PRKG1: variants seen among roughly 807,000 people sequenced by gnomAD.
The protein encoded by PRKG1 is cGMP-dependent protein kinase 1.
A neutral mutation model predicts 88.1 loss-of-function variants in PRKG1; 35 were observed. The observed-to-expected ratio is 0.40, with a 90% CI of 0.30 to 0.53. The LOEUF (loss-of-function observed/expected upper bound fraction) is 0.53, where lower values mean the gene tolerates loss of function less well. Ranked by LOEUF, PRKG1 falls within the 20% of genes least tolerant of loss-of-function variation. PRKG1 has a pLI of 0.59. For missense variants in PRKG1, 540 were observed against 839.8 expected (o/e 0.64, Z 4.41); for synonymous variants, 303 against 292.5 (o/e 1.04, Z -0.37).
chr10:52,239,339 TAAAA>T (rs1200841274), intron 9 of PRKG1, among the ~76,000 whole-genome samples: 1 of 43,682 alleles, frequency 2.3e-5, no homozygotes, highest in East Asian at 1.6e-3. Flanking sequence ...AATAAATAAA[TAAAA>T]TTAAAAAAAA....
intron 4 of PRKG1, among the ~76,000 whole-genome samples, chr10:51,850,024 G>A (rs113494458): frequency 6.6e-5 from 10 of 151,738 alleles, no homozygotes; most frequent in African/African-American, 2.4e-4. Flanking sequence ...GTGTACGCCA[G>A]AATGAATTTC....
chr10:52,094,595 A>T (rs1003218837), intron 7 of PRKG1, among the ~76,000 whole-genome samples: 2 of 152,192 alleles, frequency 1.3e-5, no homozygotes, highest in African/African-American at 4.8e-5. Context: ...GAATGGCTTA[A>T]ACAAGAGAAA....
intron 3 of PRKG1, among the ~76,000 whole-genome samples, chr10:51,788,841 A>G (rs80194477): frequency 0.018 from 2,752 of 152,288 alleles, 71 homozygotes; most frequent in African/African-American, 0.061. Flanking sequence ...GCAGGGGGCT[A>G]ATAGACATAT....
intron 6 of PRKG1, among the ~76,000 whole-genome samples, chr10:52,060,415 C>T (rs1234779503): frequency 6.6e-6 from 1 of 151,762 alleles, no homozygotes; most frequent in Admixed American, 6.6e-5. Context: ...AAAATTAATA[C>T]ATGTGTTCAA....
chr10:51,644,788 C>T (rs1002663947), intron 3 of PRKG1, among the ~76,000 whole-genome samples: 2 of 151,936 alleles, frequency 1.3e-5, no homozygotes, highest in African/African-American at 4.8e-5. Context: ...TCGCTTCCTC[C>T]CTTCCTTCCT....
intron 2 of PRKG1, among the ~76,000 whole-genome samples, chr10:51,368,311 G>A (rs1428530637): frequency 6.6e-6 from 1 of 151,808 alleles, no homozygotes; most frequent in Non-Finnish European, 1.5e-5. Context: ...TCCTTGTAGA[G>A]GACTGTCAAG....
At chr10:51,997,719 A>C (rs1303522046) in intron 5 of PRKG1, among the ~76,000 whole-genome samples, 2 of 152,268 alleles carry the variant, frequency 1.3e-5, no homozygotes, top group East Asian at 3.9e-4. Context: ...AGTAAATTCT[A>C]GTAATTTGTT....
At chr10:51,824,198 T>C (rs1839826956) in intron 4 of PRKG1, among the ~76,000 whole-genome samples, 2 of 152,158 alleles carry the variant, frequency 1.3e-5, no homozygotes, top group South Asian at 4.1e-4. Flanking sequence ...TGTATATCCA[T>C]ATGATAAATT....
At chr10:51,007,057 G>A (rs1341841962) in intron 1 of PRKG1, among the ~76,000 whole-genome samples, 7 of 150,910 alleles carry the variant, frequency 4.6e-5, no homozygotes, top group African/African-American at 2.4e-5. Context: ...TCCTGCCTCC[G>A]CCTCTGGAGT....
chr10:51,319,968 T>C, intron 2 of PRKG1: 1 of 231,218 alleles, frequency 4.3e-6, no homozygotes. Context: ...CAACTGGTCC[T>C]CAGCCATAAC....
intron 3 of PRKG1, among the ~76,000 whole-genome samples, chr10:51,498,350 T>G (rs1840922088): frequency 6.6e-6 from 1 of 152,202 alleles, no homozygotes; most frequent in South Asian, 2.1e-4. Flanking sequence ...AAAATAAGAT[T>G]TAATTTCAAA....
intron 7 of PRKG1, among the ~76,000 whole-genome samples, chr10:52,115,755 CTT>C (rs1847671756): frequency 6.6e-6 from 1 of 152,150 alleles, no homozygotes; most frequent in African/African-American, 2.4e-5. Flanking sequence ...AGGGCAATGA[CTT>C]TATCCTTTAC....
At chr10:51,035,508 G>A (rs1193124574) in intron 1 of PRKG1, among the ~76,000 whole-genome samples, 1 of 152,074 alleles carries the variant, frequency 6.6e-6, no homozygotes, top group East Asian at 1.9e-4. Context: ...CATAACACCT[G>A]GGTGATACCT....
chr10:51,462,984 C>A (rs574432934), intron 2 of PRKG1, among the ~76,000 whole-genome samples: 1 of 152,200 alleles, frequency 6.6e-6, no homozygotes, highest in Non-Finnish European at 1.5e-5. Flanking sequence ...TTTGGGTTAT[C>A]ATTTGTTCCC....
chr10:51,192,819 A>C (rs1052457759), intron 2 of PRKG1, among the ~76,000 whole-genome samples: 1 of 151,996 alleles, frequency 6.6e-6, no homozygotes, highest in Admixed American at 6.6e-5. Context: ...AACATCACGT[A>C]GAATGGCCAT....
At chr10:51,433,021 A>G (rs1205286984) in intron 2 of PRKG1, among the ~76,000 whole-genome samples, 1 of 152,202 alleles carries the variant, frequency 6.6e-6, no homozygotes, top group Non-Finnish European at 1.5e-5. Context: ...TTTTCTAAAA[A>G]TAAAAATAGC....
At chr10:51,267,145 G>T (rs1295721370) in intron 2 of PRKG1, among the ~76,000 whole-genome samples, 1 of 152,010 alleles carries the variant, frequency 6.6e-6, no homozygotes, top group Non-Finnish European at 1.5e-5. Flanking sequence ...ATTTTAATTA[G>T]TTTTTTTCTG....
At position 52,235,512 on chromosome 10, in the gene PRKG1, A is replaced by C. The variant is rs1296301918; in HGVS notation, c.1077-16058A>C. 4.0e-5 allele frequency among the ~76,000 whole-genome samples: 6 copies of C among 150,574 alleles called. No individual in the cohort carries two copies. The East Asian group carries it at 1.2e-3, about 30-fold the overall frequency. On this transcript the variant is annotated intron_variant, in intron 9 of 17. Coordinates refer to ENST00000373980, the MANE Select transcript of PRKG1 (RefSeq NM_006258.4). ...GAGAACAAAAAAAGGCAGGGGTTGC[A>C]ATCCTAGTTTCTGATAAAACAGACT...
intron 5 of PRKG1, among the ~76,000 whole-genome samples, chr10:51,961,208 A>C (rs1049264049): frequency 6.6e-6 from 1 of 152,120 alleles, no homozygotes; most frequent in African/African-American, 2.4e-5. Flanking sequence ...TGGTTTCAGG[A>C]TCCCCTTAAA....
Sources: gnomAD v4.1 joint callset for allele counts (sites outside exome capture counted in the v4.1 genomes callset) on GRCh38, gnomAD v4.1.1 for gene constraint, MANE v1.5 for transcripts, NCBI Gene and HGNC (gene_info 2026-07-23, HGNC 2026-07-21) for gene names.